Variants in PCYT1B observed in about 807,000 individuals in gnomAD.
PCYT1B encodes the protein phosphate cytidylyltransferase 1B, choline.
PCYT1B carries 10 observed loss-of-function variants against 26.4 expected under a neutral mutation model. That is an observed-to-expected ratio of 0.38 (90% CI 0.23 to 0.64). The LOEUF (loss-of-function observed/expected upper bound fraction) is 0.64, where lower values mean the gene tolerates loss of function less well. Among genes scored for constraint, PCYT1B ranks in the 30% least tolerant of loss-of-function variants. The probability of loss-of-function intolerance (pLI) is 0.56; values close to 1 mark genes in which losing one functional copy is unlikely to be tolerated. For missense variants in PCYT1B, 161 were observed against 292.7 expected (o/e 0.55, Z 3.28); for synonymous variants, 131 against 108.4 (o/e 1.21, Z -1.29).
chrX:24,577,782 T>C (rs1461942344), intron 6 of PCYT1B, among the ~76,000 whole-genome samples: 2 of 111,612 alleles, frequency 1.8e-5, no homozygotes, highest in East Asian at 5.6e-4. Context: ...AGCGTCTATT[T>C]TGGGGGTTAG....
At chrX:24,638,485 G>C (rs866108668) in intron 1 of PCYT1B, among the ~76,000 whole-genome samples, 1 of 112,153 alleles carries the variant, frequency 8.9e-6, no homozygotes, top group African/African-American at 3.2e-5. Flanking sequence ...GGCCAGCAAC[G>C]GGTAATCAGA....
intron 4 of PCYT1B, 121 bp from the exon 5 acceptor site, chrX:24,587,440 T>C: frequency 1.2e-5 from 6 of 482,920 alleles, no homozygotes; most frequent in Non-Finnish European, 2.2e-5. Context: ...ATGTTACATT[T>C]ATAGTGGAGA....
chrX:24,665,165 G>A (rs1927102361), intron 1 of PCYT1B, among the ~76,000 whole-genome samples: 1 of 111,126 alleles, frequency 9.0e-6, no homozygotes, highest in African/African-American at 3.3e-5. Flanking sequence ...ACAACACAGA[G>A]CTCTAATCAG....
intron 1 of PCYT1B, among the ~76,000 whole-genome samples, chrX:24,626,699 A>AAC (rs1925894565): frequency 8.9e-6 from 1 of 111,883 alleles, no homozygotes; most frequent in Non-Finnish European, 1.9e-5. Flanking sequence ...GTTAAATGAT[A>AAC]TGATTTGCAG....
At chrX:24,566,741 C>T (rs1331801822) in intron 7 of PCYT1B, among the ~76,000 whole-genome samples, 1 of 111,613 alleles carries the variant, frequency 9.0e-6, no homozygotes, top group Non-Finnish European at 1.9e-5. Context: ...CTGCCCCCAA[C>T]ACTCATTTTT....
chrX:24,630,336 C>T (rs980061533), intron 1 of PCYT1B, among the ~76,000 whole-genome samples: 2 of 111,782 alleles, frequency 1.8e-5, no homozygotes, highest in African/African-American at 6.5e-5. Context: ...CGCTCTGTCA[C>T]CCAGGCTGGA....
chrX:24,630,168 A>G (rs1173282040), intron 1 of PCYT1B, among the ~76,000 whole-genome samples: 1 of 112,452 alleles, frequency 8.9e-6, no homozygotes, highest in African/African-American at 3.2e-5. Context: ...ATGTTATATC[A>G]TATTCATATT....
intron 1 of PCYT1B, among the ~76,000 whole-genome samples, chrX:24,637,659 T>C (rs1926336334): frequency 9.6e-6 from 1 of 104,308 alleles, no homozygotes; most frequent in African/African-American, 3.6e-5. Context: ...CAAGACTTCA[T>C]CTCAAAAATA....
chrX:24,642,189 G>A (rs1427996369), intron 1 of PCYT1B, among the ~76,000 whole-genome samples: 2 of 112,680 alleles, frequency 1.8e-5, no homozygotes, highest in Non-Finnish European at 3.8e-5. Flanking sequence ...AGGGGCAAGG[G>A]GTTTGGATTC....
At chrX:24,616,829 G>T (rs1396564081) in intron 2 of PCYT1B, among the ~76,000 whole-genome samples, 1 of 111,965 alleles carries the variant, frequency 8.9e-6, no homozygotes, top group African/African-American at 3.2e-5. Flanking sequence ...CAGCTCACAC[G>T]AAAGCTTCCT....
At chrX:24,616,239 T>TTC (rs2148252087) in intron 2 of PCYT1B, among the ~76,000 whole-genome samples, 1 of 92,342 alleles carries the variant, frequency 1.1e-5, no homozygotes, top group African/African-American at 3.9e-5. Context: ...TTTTTTTTTT[T>TTC]TTTTTTTTTT....
chrX:24,668,123 CTATT>C (rs1927164526), intron 1 of PCYT1B, among the ~76,000 whole-genome samples: 1 of 112,286 alleles, frequency 8.9e-6, no homozygotes, highest in South Asian at 3.7e-4. Flanking sequence ...CTCTTCTCTC[CTATT>C]TATTACCTAG....
At chrX:24,570,487 C>T (rs1181224605) in intron 7 of PCYT1B, among the ~76,000 whole-genome samples, 14 of 109,842 alleles carry the variant, frequency 1.3e-4, no homozygotes, top group Non-Finnish European at 3.8e-5. Flanking sequence ...CTCTTGACCT[C>T]AGGTGATTCA....
intron 1 of PCYT1B, among the ~76,000 whole-genome samples, chrX:24,664,361 G>A (rs1394972842): frequency 2.7e-5 from 3 of 111,770 alleles, no homozygotes; most frequent in Non-Finnish European, 5.6e-5. Flanking sequence ...AATTCGAAAT[G>A]TGATTACTCT....
At chrX:24,671,881 A>G in intron 1 of PCYT1B, among the ~76,000 whole-genome samples, 1 of 112,386 alleles carries the variant, frequency 8.9e-6, no homozygotes, top group Non-Finnish European at 1.9e-5. Flanking sequence ...AAAAGACCAT[A>G]TACAGTGGTC....
chrX:24,572,581 C>T (rs750100002), intron 7 of PCYT1B, among the ~76,000 whole-genome samples: 3 of 111,344 alleles, frequency 2.7e-5, no homozygotes, highest in Non-Finnish European at 5.6e-5. Flanking sequence ...GTTCCAGTCC[C>T]AAATTCACAA....
chrX:24,671,329 G>GAATC (rs1377210938), intron 1 of PCYT1B, among the ~76,000 whole-genome samples: 1 of 58,753 alleles, frequency 1.7e-5, no homozygotes, highest in Non-Finnish European at 3.0e-5. Flanking sequence ...ATGAATGAAT[G>GAATC]AATGAATGAA....
rs1283948844 is a variant in PCYT1B at position 24,647,215 on chromosome X, C to A, written c.-110G>T. On this transcript the variant is annotated 5_prime_UTR_variant, in exon 1 of 8. Transcript: ENST00000379144. The stretch of plus-strand genomic sequence containing the variant: ...CCCCTCTACCCTCCACCCATCCCCC[C>A]GCTTCTTCTCCCCTTCTTTCTGTCT... 3.0e-5 allele frequency: 32 copies of A among 1,053,887 alleles called. No homozygotes were observed. The highest frequency in any genetic ancestry group is 5.2e-5 in the South Asian group (2 of 38,670). The allele number at this position is 1,053,887 out of a possible 1,213,427, so 86.9% of individuals were successfully genotyped here.
intron 2 of PCYT1B, among the ~76,000 whole-genome samples, chrX:24,608,155 CAG>C (rs10545140): frequency 0.11 from 12,293 of 110,785 alleles, 1,692 homozygotes; most frequent in African/African-American, 0.38. Context: ...CCTGAGCCGG[CAG>C]AGTCAGCCCA....
Sources: gnomAD v4.1 joint callset for allele counts (sites outside exome capture counted in the v4.1 genomes callset) on GRCh38, gnomAD v4.1.1 for gene constraint, MANE v1.5 for transcripts, NCBI Gene and HGNC (gene_info 2026-07-23, HGNC 2026-07-21) for gene names.